Variants in MUC5B observed in about 807,000 individuals in gnomAD.
MUC5B encodes the protein mucin 5B, oligomeric mucus/gel-forming, also known as mucin-5B.
In MUC5B, 116 loss-of-function variants were observed where a neutral mutation model predicts 376.9. That is an observed-to-expected ratio of 0.31 (90% CI 0.26 to 0.36). MUC5B has a LOEUF of 0.36. MUC5B is among the 10% of genes least tolerant of loss of function. MUC5B has a pLI of 1.00. For synonymous variants in MUC5B, 3,517 were observed against 3,390.9 expected (o/e 1.04, Z -1.29); for missense variants, 7,165 against 7,769.9 (o/e 0.92, Z 2.93).
chr11:1,251,809 G>C, intron 31 of MUC5B, 66 bp downstream of exon 31: 1 of 1,187,132 alleles, frequency 8.4e-7, no homozygotes, highest in South Asian at 1.4e-5. Flanking sequence ...GGGTCTGCCT[G>C]TCCTGGGAGC....
In MUC5B at chr11:1,232,890, A is replaced by T. The variant is rs1448823427; in HGVS notation, c.2065+120A>T. 6 of 1,459,746 alleles carry T rather than the reference A, an allele frequency of 4.1e-6. No homozygotes were observed. The East Asian group carries it at 1.5e-4, about 36-fold the overall frequency. The allele number at this position is 1,459,746 out of a possible 1,614,324, so 90.4% of individuals were successfully genotyped here. A position where few individuals can be genotyped will look rare whatever the true frequency, so the allele number is the denominator to read the frequency against. The stretch of plus-strand genomic sequence containing the variant: ...CCAGAGCTTTGCACTTCCTCATCCC[A>T]GCCTCGCAAGAACCTCATGCCCTTG... On this transcript the variant is annotated intron_variant, in intron 17 of 48. Transcript: ENST00000529681.
rs563665793 is a variant in MUC5B, at chr11:1,229,551, G to C, written c.1103-139G>C. The C allele has an allele frequency of 4.8e-6, 4 of 832,682 alleles. No homozygotes were observed. In the African/African-American group the frequency reaches 6.8e-5, roughly 14 times the overall value. The allele number at this position is 832,682 out of a possible 1,614,324, so 51.6% of individuals were successfully genotyped here. A position where few individuals can be genotyped will look rare whatever the true frequency, so the allele number is the denominator to read the frequency against. On this transcript the variant is annotated intron_variant, in intron 9 of 48. Coordinates refer to ENST00000529681, the MANE Select transcript of MUC5B (RefSeq NM_002458.3). ...AGAGGTGCTTGGTGTTCATCCAAGC[G>C]AGTGCAGCTCAGGGCGGGGGCGGTG... is the stretch of plus-strand genomic sequence containing the variant.
Position 1,233,038 on chromosome 11 carries a change from G to A in MUC5B, c.2091G>A (p.Lys697=), listed in dbSNP as rs567233629. 179 of 1,600,212 alleles carry A rather than the reference G, an allele frequency of 1.1e-4. 3 individuals are homozygous for A. In the East Asian group the frequency reaches 3.6e-3, roughly 32 times the overall value. The change falls in exon 18 of 49, where the codon AAG becomes AAA. Residue 697 remains lysine, a synonymous_variant. Coordinates refer to ENST00000529681, the MANE Select transcript of MUC5B (RefSeq NM_002458.3). The stretch of plus-strand genomic sequence containing the variant: ...CCAAGTACATGCAGAACTGCCCCAA[G>A]TCCCAGCGCTACGCCTACGTGGTGG... The part of the protein sequence containing the change: ...VCTKYMQNCP[K]SQRYAYVVDA...
chr11:1,239,641 C>T, intron 27 of MUC5B, 75 bp downstream of exon 27: 1 of 1,514,436 alleles, frequency 6.6e-7, no homozygotes, highest in Non-Finnish European at 8.8e-7. Context: ...CGGGGATCCC[C>T]AGGGACGCGG....
Position 1,244,518 on chromosome 11 carries a change from C to A in MUC5B, c.7638C>A (p.Gly2546=), listed in dbSNP as rs780324257. The A allele has an allele frequency of 1.9e-6, 3 of 1,543,976 alleles. No individual in the cohort carries two copies. In the African/African-American group the frequency reaches 4.1e-5, roughly 21 times the overall value. The part of the protein sequence containing the change: ...SFTAIPSSSL[G]TTWTRLSQTT... ...CAGCCATCCCCTCCTCCTCCCTGGGCACCACCTGGACCCGCCTATCACAGA... is the reference window on the plus strand; with the variant it reads ...CAGCCATCCCCTCCTCCTCCCTGGGAACCACCTGGACCCGCCTATCACAGA... The change falls in exon 31 of 49, where the codon GGC becomes GGA. Residue 2546 remains glycine (G), a synonymous_variant. Transcript: ENST00000529681.
intron 13 of MUC5B, 23 bp downstream of exon 13, chr11:1,231,028 C>T: frequency 6.4e-7 from 1 of 1,567,566 alleles, no homozygotes; most frequent in Non-Finnish European, 8.6e-7. Context: ...CCCAGGACGG[C>T]CGGGCTGGGT....
Position 1,241,082 on chromosome 11 carries a change from G to A in MUC5B, c.4202G>A (p.Arg1401His), listed in dbSNP as rs10835639. ...EELGQQVDCD[R>H]MRGLMCANSQ... ...CTGGGCCAGCAGGTGGACTGTGACC[G>A]CATGCGGGGGCTGATGTGCGCCAAC... Residue 1401 changes from arginine (R) to histidine (H), a missense_variant, in exon 31 of 49, where the codon CGC becomes CAC. Coordinates refer to ENST00000529681, the MANE Select transcript of MUC5B (RefSeq NM_002458.3). 0.024 allele frequency: 38,937 copies of A among 1,612,052 alleles called. 3,450 individuals carry two copies. The East Asian group carries it at 0.27, about 11-fold the overall frequency.
chr11:1,259,100 G>T, intron 44 of MUC5B, 39 bp downstream of exon 44: 1 of 1,507,866 alleles, frequency 6.6e-7, no homozygotes. Flanking sequence ...GAGCCCCCGA[G>T]GCACCTGCCC....
At chr11:1,259,315 C>A (rs1862938298) in intron 44 of MUC5B, among the ~76,000 whole-genome samples, 2 of 151,738 alleles carry the variant, frequency 1.3e-5, no homozygotes, top group African/African-American at 4.8e-5. Context: ...CACCAAGGCA[C>A]CTGCCCCCAA....
chr11:1,239,363 G>C, intron 26 of MUC5B, 75 bp from the exon 27 acceptor site: 1 of 1,520,980 alleles, frequency 6.6e-7, no homozygotes, highest in Non-Finnish European at 8.8e-7. Context: ...CCCCACGCCC[G>C]GGGTAGGGGC....
chr11:1,238,345 G>A (rs1196961147), intron 25 of MUC5B, among the ~76,000 whole-genome samples: 1 of 152,260 alleles, frequency 6.6e-6, no homozygotes, highest in Admixed American at 6.5e-5. Context: ...GAGGCAGAAA[G>A]GCGGTGGGTG....
chr11:1,239,368 AG>A lies in MUC5B; in HGVS notation c.3455-66del, dbSNP rs1862226895. On this transcript the variant is annotated intron_variant, in intron 26 of 48. Transcript: ENST00000529681. The stretch of plus-strand genomic sequence containing the variant: ...GGACACCGGCCCCCACGCCCGGGGT[AG>A]GGGCTGCCCTGCACAACAGGGGTGA... 9.8e-6 allele frequency: 15 copies of A among 1,524,466 alleles called. 1 individual carries two copies. In the South Asian group the frequency reaches 1.6e-4, roughly 17 times the overall value. The allele number at this position is 1,524,466 out of a possible 1,614,324, so 94.4% of individuals were successfully genotyped here. A position where few individuals can be genotyped will look rare whatever the true frequency, so the allele number is the denominator to read the frequency against.
At chr11:1,239,108 T>C (rs940843635) in intron 26 of MUC5B, 81 bp downstream of exon 26, 12 of 1,502,474 alleles carry the variant, frequency 8.0e-6, no homozygotes, top group Middle Eastern at 1.7e-4. Context: ...CGAAGGTGCA[T>C]TGACCTGGGC....
Position 1,251,024 on chromosome 11 carries a change from C to T in MUC5B, c.14144C>T (p.Thr4715Ile), listed in dbSNP as rs781620904. ...ITPVLTSTAT[T>I]PAATSSKATS... is the part of the protein sequence containing the mutation. ...CCAGTGCTGACCAGCACGGCCACCA[C>T]ACCCGCAGCCACCAGCTCCAAAGCC... The change falls in exon 31 of 49, where the codon ACA becomes ATA. Residue 4715 changes from threonine (T) to isoleucine (I), a missense_variant. Physicochemically the swap from Thr to Ile is moderately conservative, Grantham distance 89. Coordinates refer to ENST00000529681, the MANE Select transcript of MUC5B (RefSeq NM_002458.3). 1.2e-6 allele frequency: 2 copies of T among 1,611,122 alleles called. No individual in the cohort carries two copies. Among genetic ancestry groups the T allele is most frequent in the Middle Eastern group, 1.6e-4 (1 of 6,062 alleles).
intron 16 of MUC5B, 29 bp downstream of exon 16, chr11:1,232,573 C>T (rs745586501): frequency 1.2e-6 from 2 of 1,605,376 alleles, no homozygotes; most frequent in South Asian, 2.2e-5. Flanking sequence ...ACCCCCACGC[C>T]TGGGCAGGAT....
In MUC5B at chr11:1,247,621, C is replaced by T. The variant is rs754843451; in HGVS notation, c.10741C>T (p.Leu3581=). Reference sequence around the variant, plus strand: ...GCCCCAGTGTGCCTGGTCAGAGTGGCTGGACTACAGCTACCCCATGCCGGG... The same window carrying T: ...GCCCCAGTGTGCCTGGTCAGAGTGGTTGGACTACAGCTACCCCATGCCGGG... ...CEPQCAWSEW[L]DYSYPMPGPS... is the part of the protein sequence containing the mutation. Residue 3581 remains leucine (L), a synonymous_variant, in exon 31 of 49, where the codon CTG becomes TTG. Transcript: ENST00000529681. 1.2e-6 allele frequency: 2 copies of T among 1,610,162 alleles called. No homozygotes were observed. The highest frequency in any genetic ancestry group is 1.7e-6 in the Non-Finnish European group (2 of 1,179,184).
chr11:1,231,740 A>G (rs930038504), intron 14 of MUC5B, among the ~76,000 whole-genome samples, 180 bp downstream of exon 14: 4 of 152,228 alleles, frequency 2.6e-5, no homozygotes, highest in African/African-American at 7.2e-5. Context: ...CGGCCCCGGA[A>G]GCAGCCAGCT....
Position 1,242,562 on chromosome 11 carries a change from G to A in MUC5B, c.5682G>A (p.Thr1894=), listed in dbSNP as rs761300820. 9.3e-6 allele frequency: 15 copies of A among 1,613,598 alleles called. No homozygotes were observed. The highest frequency in any genetic ancestry group is 1.7e-5 in the Admixed American group (1 of 59,976). Residue 1894 remains threonine, a synonymous_variant, in exon 31 of 49, where the codon ACG becomes ACA. Coordinates refer to ENST00000529681, the MANE Select transcript of MUC5B (RefSeq NM_002458.3). ...HCPSTPATSS[T]ATPSSTPGTT... is the part of the protein sequence containing the mutation. The stretch of plus-strand genomic sequence containing the variant: ...CCAGTACCCCAGCCACCAGCTCCAC[G>A]GCCACGCCCTCCTCAACTCCGGGGA...
In MUC5B at chr11:1,258,158, A is replaced by G; in HGVS notation, c.16510A>G (p.Ile5504Val). 6.2e-7 allele frequency: 1 copy of G among 1,602,798 alleles called. No individual in the cohort carries two copies. The highest frequency in any genetic ancestry group is 1.3e-5 in the African/African-American group (1 of 74,862). ...TGTGTGCCCGCCAGGGCAGGAGTCC[A>G]TCTGCACCCAGGAGGAGGGCGACTG... is the stretch of plus-strand genomic sequence containing the variant. ...LPVCPPGQES[I>V]CTQEEGDCCP... The change falls in exon 42 of 49, where the codon ATC (isoleucine) becomes GTC (valine). Residue 5504 changes from isoleucine to valine, a missense_variant. Ile to Val is a conservative substitution (Grantham distance 29, BLOSUM62 3). This residue lies in a region of MUC5B where 842 missense variants were observed against 1,016.9 expected (regional missense o/e 0.83). Coordinates refer to ENST00000529681, the MANE Select transcript of MUC5B (RefSeq NM_002458.3). This position sits in a 1 kb window ranked among gnomAD's most constrained non-coding sequence, Gnocchi z 5.5.
Sources: gnomAD v4.1 joint callset for allele counts (sites outside exome capture counted in the v4.1 genomes callset) on GRCh38, gnomAD v4.1.1 for gene constraint, gnomAD v4.1.1 regional missense constraint, Gnocchi (gnomAD v3.1) non-coding constraint, MANE v1.5 for transcripts, NCBI Gene and HGNC (gene_info 2026-07-23, HGNC 2026-07-21) for gene names.